Variants in SEC24B observed in about 807,000 individuals in gnomAD.
SEC24B encodes protein transport protein Sec24B.
In SEC24B, 45 loss-of-function variants were observed where a neutral mutation model predicts 142.8. The ratio of observed to expected loss-of-function variants is 0.32; its 90% confidence interval spans 0.25 to 0.40. The LOEUF is 0.40. Ranked by LOEUF, SEC24B falls within the 10% of genes least tolerant of loss-of-function variation. The pLI is 1.00. For synonymous variants in SEC24B, 574 were observed against 568.2 expected, an observed-to-expected ratio of 1.01 and a Z score of -0.15; for missense variants, 1,409 against 1,526.8, an observed-to-expected ratio of 0.92 and a Z score of 1.29.
intron 1 of SEC24B, among the ~76,000 whole-genome samples, chr4:109,446,024 A>C (rs1729426771): frequency 6.7e-6 from 1 of 148,390 alleles, no homozygotes; most frequent in Non-Finnish European, 1.5e-5. Context: ...TTTTAGAATC[A>C]GTGGAATTCT....
chr4:109,479,184 CAG>C (rs1487438758), intron 3 of SEC24B, among the ~76,000 whole-genome samples: 1 of 152,168 alleles, frequency 6.6e-6, no homozygotes, highest in African/African-American at 2.4e-5. Context: ...CTTTGAATAA[CAG>C]AGTGCTGCAT....
In SEC24B at chr4:109,539,544, C is replaced by G; in HGVS notation, c.3693-17C>G. ...CTTTTAAATACGTTTAGACAAATGC[C>G]CTTTTCTTTCTTCCAGAGATGAGAG... is the stretch of plus-strand genomic sequence containing the variant. On this transcript the variant is annotated splice_polypyrimidine_tract_variant and intron_variant, in intron 23 of 23. Transcript: ENST00000265175. 1 of 1,513,472 alleles carries G rather than the reference C, an allele frequency of 6.6e-7. No homozygotes were observed. 93.8% of individuals were successfully genotyped at this position (1,513,472 alleles called of 1,614,324 possible).
intron 14 of SEC24B, among the ~76,000 whole-genome samples, chr4:109,524,206 G>A (rs1298824962): frequency 6.6e-6 from 1 of 152,002 alleles, no homozygotes; most frequent in African/African-American, 2.4e-5. Context: ...TTCAGTATCT[G>A]TTCTGGTTTA....
intron 2 of SEC24B, among the ~76,000 whole-genome samples, chr4:109,471,192 G>A (rs1025975293): frequency 6.6e-6 from 1 of 152,094 alleles, no homozygotes; most frequent in African/African-American, 2.4e-5. Context: ...ACCCAGGCTG[G>A]AGTGCAGTGG....
chr4:109,469,580 A>G (rs1732309400), intron 2 of SEC24B, among the ~76,000 whole-genome samples: 2 of 152,254 alleles, frequency 1.3e-5, no homozygotes, highest in African/African-American at 4.8e-5. Flanking sequence ...AGCCTAGAGA[A>G]GTCTTCCCTA....
chr4:109,435,348 G>C, intron 1 of SEC24B, among the ~76,000 whole-genome samples: 1 of 152,188 alleles, frequency 6.6e-6, no homozygotes. Context: ...TTTGTGAGCA[G>C]TGTTTGTTCT....
chr4:109,471,703 C>G (rs990281155), intron 2 of SEC24B, among the ~76,000 whole-genome samples: 1 of 152,120 alleles, frequency 6.6e-6, no homozygotes, highest in Non-Finnish European at 1.5e-5. Context: ...ACTCACATGT[C>G]TAGCAGTTGG....
chr4:109,497,379 T>A (rs965638542), intron 6 of SEC24B, among the ~76,000 whole-genome samples: 2 of 152,250 alleles, frequency 1.3e-5, no homozygotes, highest in Admixed American at 1.3e-4. Context: ...CATCATTTTA[T>A]TCTGTAATCA....
Position 109,539,795 on chromosome 4 carries a change from CTCTG to C in SEC24B, c.*125_*128del, listed in dbSNP as rs537832237. On this transcript the variant is annotated 3_prime_UTR_variant, in exon 24 of 24. Coordinates refer to ENST00000265175, the MANE Select transcript of SEC24B (RefSeq NM_006323.5). ...TTAATACAAGATGCAACGCACAGCA[CTCTG>C]TCTGAGGCTTTGGTAAAAAGTAAAG... The C allele has an allele frequency of 3.3e-4, 217 of 654,600 alleles. 1 individual carries two copies. The highest frequency in any genetic ancestry group is 3.3e-3 in the South Asian group (175 of 52,874). 40.5% of individuals were successfully genotyped at this position (654,600 alleles called of 1,614,324 possible).
chr4:109,487,230 G>T (rs1734466239), intron 4 of SEC24B, among the ~76,000 whole-genome samples: 1 of 151,456 alleles, frequency 6.6e-6, no homozygotes, highest in African/African-American at 2.4e-5. Flanking sequence ...CTGCATAGAA[G>T]AGGAAATGAT....
intron 8 of SEC24B, among the ~76,000 whole-genome samples, chr4:109,511,167 C>A (rs1214029739): frequency 6.6e-6 from 1 of 151,630 alleles, no homozygotes; most frequent in Non-Finnish European, 1.5e-5. Flanking sequence ...TCTCTAAATA[C>A]AGATATACAT....
At chr4:109,512,189 T>C in intron 9 of SEC24B, 106 bp downstream of exon 9, 1 of 1,068,904 alleles carries the variant, frequency 9.4e-7, no homozygotes, top group South Asian at 1.6e-5. Flanking sequence ...AAAAGAATTT[T>C]CATGCCATTT....
intron 22 of SEC24B, among the ~76,000 whole-genome samples, chr4:109,537,794 T>C (rs1489484837): frequency 6.6e-6 from 1 of 152,218 alleles, no homozygotes; most frequent in Non-Finnish European, 1.5e-5. Context: ...AAAATGGAAA[T>C]GGTTTTTAAA....
intron 22 of SEC24B, among the ~76,000 whole-genome samples, chr4:109,535,183 G>C (rs527944040): frequency 6.6e-6 from 1 of 152,234 alleles, no homozygotes; most frequent in South Asian, 2.1e-4. Context: ...AGAATTACTG[G>C]GTCACATGAT....
chr4:109,483,487 T>A (rs745371086), intron 4 of SEC24B, among the ~76,000 whole-genome samples: 1 of 152,166 alleles, frequency 6.6e-6, no homozygotes, highest in South Asian at 2.1e-4. Flanking sequence ...TCAGCCCTCA[T>A]AAAATTTTGG....
At chr4:109,503,203 GCATGTGCCACTACGCCTGGCTAATTTTTT>G in intron 6 of SEC24B, among the ~76,000 whole-genome samples, 1 of 151,326 alleles carries the variant, frequency 6.6e-6, no homozygotes, top group South Asian at 2.1e-4. Flanking sequence ...GGGACTACAG[GCATGTGCCACTACGCCTGGCTAATTTTTT>G]TTTTTTTTTG....
chr4:109,533,533 A>G (rs1243761783), intron 21 of SEC24B, 60 bp from the exon 22 acceptor site: 9 of 1,022,948 alleles, frequency 8.8e-6, no homozygotes, highest in Admixed American at 1.8e-5. Flanking sequence ...TTTTGAGAAC[A>G]TTAATGAAAA....
At chr4:109,440,782 G>C (rs902440937) in intron 1 of SEC24B, among the ~76,000 whole-genome samples, 1 of 152,186 alleles carries the variant, frequency 6.6e-6, no homozygotes, top group South Asian at 2.1e-4. Flanking sequence ...ATGCCCAGTA[G>C]TAGCAGCTTG....
At position 109,497,000 on chromosome 4, in the gene SEC24B, G is replaced by A. The variant is rs118178112; in HGVS notation, c.1488+2144G>A. 5.3e-3 allele frequency among the ~76,000 whole-genome samples: 806 copies of A among 152,352 alleles called. 35 individuals are homozygous for A. The South Asian group carries it at 0.079, about 15-fold the overall frequency. On this transcript the variant is annotated intron_variant, in intron 6 of 23. Transcript: ENST00000265175. ...AAAAATTATTTTGAAATAGTAAATG[G>A]TCTTACATAATAACTTAGGACAATA...
Sources: allele counts gnomAD v4.1 joint callset (sites outside exome capture counted in the v4.1 genomes callset), GRCh38; gene constraint gnomAD v4.1.1; transcripts MANE v1.5; gene names NCBI Gene and HGNC (gene_info 2026-07-23, HGNC 2026-07-21).